The following NRG3 variants were observed in gnomAD, a reference collection of about 807,000 sequenced individuals.
NRG3 encodes pro-neuregulin-3, membrane-bound isoform.
A neutral mutation model predicts 66.9 loss-of-function variants in NRG3; 31 were observed. The observed-to-expected ratio is 0.46, with a 90% CI of 0.35 to 0.63. The LOEUF (loss-of-function observed/expected upper bound fraction) is 0.63, where lower values mean the gene tolerates loss of function less well. NRG3 is among the 20% of genes least tolerant of loss of function. The probability of loss-of-function intolerance (pLI) is 0.00; values close to 1 mark genes in which losing one functional copy is unlikely to be tolerated. For synonymous variants in NRG3, 393 were observed against 359.4 expected, an observed-to-expected ratio of 1.09 and a Z score of -1.06; for missense variants, 910 against 878.9, an observed-to-expected ratio of 1.04 and a Z score of -0.45.
At chr10:82,736,501 G>C (rs1366297464) in intron 2 of NRG3, among the ~76,000 whole-genome samples, 1 of 152,158 alleles carries the variant, frequency 6.6e-6, no homozygotes, top group Admixed American at 6.5e-5. Context: ...ACAGCCCCTG[G>C]GGGGCTTCCT....
intron 1 of NRG3, among the ~76,000 whole-genome samples, chr10:81,950,575 G>A (rs927392855): frequency 6.6e-6 from 1 of 152,184 alleles, no homozygotes; most frequent in Non-Finnish European, 1.5e-5. Flanking sequence ...GGGCTGGTTA[G>A]AGTGCATCAC....
intron 1 of NRG3, among the ~76,000 whole-genome samples, chr10:82,081,412 G>A (rs2065386262): frequency 6.6e-6 from 1 of 151,820 alleles, no homozygotes; most frequent in East Asian, 1.9e-4. Flanking sequence ...TCCACTTGTG[G>A]TCCCTAAAAA....
At chr10:82,283,439 C>T (rs1018845576) in intron 1 of NRG3, among the ~76,000 whole-genome samples, 3 of 152,130 alleles carry the variant, frequency 2.0e-5, no homozygotes, top group African/African-American at 4.8e-5. Context: ...CTATTAAAAC[C>T]CAGCAATGTA....
chr10:82,950,069 C>T (rs990721827), intron 4 of NRG3, among the ~76,000 whole-genome samples: 8 of 151,982 alleles, frequency 5.3e-5, no homozygotes, highest in East Asian at 1.9e-4. Flanking sequence ...TTAAAAATGC[C>T]GACATTCTGT....
chr10:82,300,955 A>T (rs2080368596), intron 1 of NRG3, among the ~76,000 whole-genome samples: 1 of 151,992 alleles, frequency 6.6e-6, no homozygotes, highest in African/African-American at 2.4e-5. Context: ...ACCTACCAAG[A>T]CCCCCATCTT....
intron 3 of NRG3, among the ~76,000 whole-genome samples, chr10:82,765,092 G>A (rs1174196851): frequency 6.6e-6 from 1 of 152,100 alleles, no homozygotes; most frequent in Admixed American, 6.6e-5. Flanking sequence ...TTTGGAAAGG[G>A]TTTGAACTAT....
At chr10:82,610,131 G>A (rs2048217767) in intron 2 of NRG3, among the ~76,000 whole-genome samples, 1 of 152,152 alleles carries the variant, frequency 6.6e-6, no homozygotes, top group Non-Finnish European at 1.5e-5. Flanking sequence ...TGTATTCCAT[G>A]TTATATCAGC....
chr10:82,475,579 A>G (rs1254001506), intron 2 of NRG3, among the ~76,000 whole-genome samples: 2 of 152,156 alleles, frequency 1.3e-5, no homozygotes, highest in African/African-American at 2.4e-5. Flanking sequence ...AGATACCAAA[A>G]CCATTAAATG....
chr10:82,388,247 AG>A (rs2086135216), intron 2 of NRG3, among the ~76,000 whole-genome samples: 1 of 152,184 alleles, frequency 6.6e-6, no homozygotes, highest in South Asian at 2.1e-4. Context: ...GGAATAAGAA[AG>A]TTTTTTTATG....
At chr10:81,920,299 C>A (rs1846134154) in intron 1 of NRG3, among the ~76,000 whole-genome samples, 1 of 152,082 alleles carries the variant, frequency 6.6e-6, no homozygotes, top group Admixed American at 6.5e-5. Flanking sequence ...TAGCACCCTG[C>A]AACCAAAAAG....
At chr10:82,485,153 C>A (rs1306858064) in intron 2 of NRG3, among the ~76,000 whole-genome samples, 1 of 152,086 alleles carries the variant, frequency 6.6e-6, no homozygotes, top group Non-Finnish European at 1.5e-5. Flanking sequence ...TTCATTACGA[C>A]CCCAGTGTAG....
chr10:82,457,152 A>G (rs2091303297), intron 2 of NRG3, among the ~76,000 whole-genome samples: 1 of 152,088 alleles, frequency 6.6e-6, no homozygotes, highest in South Asian at 2.1e-4. Context: ...CATTTGCCTT[A>G]TTCCTCTATT....
intron 3 of NRG3, among the ~76,000 whole-genome samples, chr10:82,770,871 G>T (rs2059689528): frequency 6.6e-6 from 1 of 152,014 alleles, no homozygotes; most frequent in South Asian, 2.1e-4. Flanking sequence ...AATGGAATTC[G>T]GGTCTCCCCT....
At chr10:81,886,996 G>A (rs1457281555) in intron 1 of NRG3, among the ~76,000 whole-genome samples, 1 of 152,016 alleles carries the variant, frequency 6.6e-6, no homozygotes, top group East Asian at 1.9e-4. Flanking sequence ...TTTAGTTATT[G>A]TTCATGAATT....
chr10:82,009,521 A>T (rs117978997), intron 1 of NRG3, among the ~76,000 whole-genome samples: 4,676 of 152,204 alleles, frequency 0.031, 112 homozygotes, highest in Non-Finnish European at 0.048. Flanking sequence ...TCCTTACACG[A>T]CTTCCCCTGC....
At chr10:82,593,860 C>A (rs2047122272) in intron 2 of NRG3, among the ~76,000 whole-genome samples, 1 of 150,824 alleles carries the variant, frequency 6.6e-6, no homozygotes, top group Admixed American at 6.6e-5. Flanking sequence ...ATATATAGTT[C>A]TTTGTTTATT....
At position 82,725,148 on chromosome 10, in the gene NRG3, A is replaced by T. The variant is rs76930083; in HGVS notation, c.954-13429A>T. Reference sequence around the variant, plus strand: ...ATGTAAGAGTCTCAGTATTAAAATTATCCTGAGTCAAGTGAGATACAGAAT... The same window carrying T: ...ATGTAAGAGTCTCAGTATTAAAATTTTCCTGAGTCAAGTGAGATACAGAAT... On this transcript the variant is annotated intron_variant, in intron 2 of 8. Transcript: ENST00000372141. 6.6e-5 allele frequency among the ~76,000 whole-genome samples: 10 copies of T among 152,338 alleles called. No homozygotes were observed. The East Asian group carries it at 1.9e-3, about 29-fold the overall frequency.
intron 1 of NRG3, among the ~76,000 whole-genome samples, chr10:82,292,216 G>A (rs1247139829): frequency 1.3e-5 from 2 of 151,926 alleles, no homozygotes; most frequent in African/African-American, 2.4e-5. Flanking sequence ...CACATGAAAA[G>A]ATGTTGAACA....
chr10:82,597,017 G>A (rs2047322183), intron 2 of NRG3, among the ~76,000 whole-genome samples: 1 of 151,952 alleles, frequency 6.6e-6, no homozygotes, highest in South Asian at 2.1e-4. Flanking sequence ...GACCCTTTTG[G>A]CTTTGTTTCT....
Sources: allele counts gnomAD v4.1 joint callset (sites outside exome capture counted in the v4.1 genomes callset), GRCh38; gene constraint gnomAD v4.1.1; transcripts MANE v1.5; gene names NCBI Gene and HGNC (gene_info 2026-07-23, HGNC 2026-07-21).